Variants in RIMS2 observed in about 807,000 individuals in gnomAD.
The protein encoded by RIMS2 is regulating synaptic membrane exocytosis 2.
A neutral mutation model predicts 174.4 loss-of-function variants in RIMS2; 59 were observed. The observed-to-expected ratio is 0.34, with a 90% CI of 0.27 to 0.42. The LOEUF is 0.42. Among genes scored for constraint, RIMS2 ranks in the 10% least tolerant of loss-of-function variants. The pLI is 1.00. For missense variants in RIMS2, 1,620 were observed against 1,666.3 expected, an observed-to-expected ratio of 0.97 and a Z score of 0.48; for synonymous variants, 606 against 572.5, an observed-to-expected ratio of 1.06 and a Z score of -0.84.
At chr8:104,146,089 G>T (rs2133855942) in intron 19 of RIMS2, among the ~76,000 whole-genome samples, 1 of 151,058 alleles carries the variant, frequency 6.6e-6, no homozygotes, top group East Asian at 2.0e-4. Context: ...TTTGGGCCAG[G>T]CTCGGTGGCT....
chr8:103,565,238 G>T (rs187452866), intron 1 of RIMS2, among the ~76,000 whole-genome samples: 1 of 152,264 alleles, frequency 6.6e-6, no homozygotes, highest in East Asian at 1.9e-4. Context: ...AGCTCCAGTG[G>T]CCTTTGTTAG....
At chr8:103,866,545 T>C (rs1229418357) in intron 3 of RIMS2, among the ~76,000 whole-genome samples, 1 of 152,152 alleles carries the variant, frequency 6.6e-6, no homozygotes, top group Non-Finnish European at 1.5e-5. Flanking sequence ...ACAAACGATA[T>C]TTGAACAGTC....
chr8:103,755,208 G>A (rs780665345), intron 2 of RIMS2, among the ~76,000 whole-genome samples: 2 of 152,152 alleles, frequency 1.3e-5, no homozygotes, highest in Non-Finnish European at 2.9e-5. Flanking sequence ...GACTGGATAT[G>A]AAATTCTGGG....
At chr8:103,663,302 A>G (rs1169212427) in intron 1 of RIMS2, among the ~76,000 whole-genome samples, 1 of 152,214 alleles carries the variant, frequency 6.6e-6, no homozygotes, top group Non-Finnish European at 1.5e-5. Flanking sequence ...GTGTGTTACA[A>G]TAGAAATAAA....
intron 19 of RIMS2, among the ~76,000 whole-genome samples, chr8:104,224,812 G>T (rs1373561654): frequency 6.6e-6 from 1 of 152,178 alleles, no homozygotes; most frequent in Non-Finnish European, 1.5e-5. Context: ...AAAAGTAGAA[G>T]ATGGAGGATT....
intron 1 of RIMS2, 139 bp downstream of exon 3, chr8:103,652,849 C>A: frequency 2.8e-6 from 1 of 360,636 alleles, no homozygotes; most frequent in South Asian, 2.6e-5. Context: ...TACTGTTACC[C>A]TTAATGAAAA....
chr8:103,827,984 A>G (rs1480982001), intron 3 of RIMS2, among the ~76,000 whole-genome samples: 4 of 152,114 alleles, frequency 2.6e-5, no homozygotes, highest in African/African-American at 4.8e-5. Context: ...TGATTCCATA[A>G]TAATGCTAAT....
rs539666254 is a variant in RIMS2, at chr8:103,517,374, C to T, written c.176+16312C>T. Among the ~76,000 whole-genome samples, 15 of 152,152 alleles carry T rather than the reference C, an allele frequency of 9.9e-5. No homozygotes were observed. In the South Asian group the frequency reaches 3.1e-3, roughly 32 times the overall value. ...GTGTCTTTGGGGAATAGCCAGTATT[C>T]CTATATTGCTAGGTGCATGGAAGAT... On this transcript the variant is annotated intron_variant, in intron 1 of 23. Transcript: ENST00000504942.
chr8:103,513,348 C>G (rs1243495880), intron 1 of RIMS2, among the ~76,000 whole-genome samples: 1 of 152,104 alleles, frequency 6.6e-6, no homozygotes, highest in African/African-American at 2.4e-5. Flanking sequence ...TAGTTAACTT[C>G]CTGCATTCTA....
chr8:103,600,398 T>C (rs1000279283), intron 1 of RIMS2, among the ~76,000 whole-genome samples: 1 of 152,228 alleles, frequency 6.6e-6, no homozygotes, highest in Non-Finnish European at 1.5e-5. Context: ...GCATCCTGAG[T>C]AGCTGGGATT....
chr8:104,234,106 A>G (rs77647435), intron 19 of RIMS2, among the ~76,000 whole-genome samples: 1,780 of 152,158 alleles, frequency 0.012, 35 homozygotes, highest in African/African-American at 0.041. Context: ...CTTTTTCAAC[A>G]CTATTTATTA....
At chr8:103,615,518 T>A (rs1273033721) in intron 1 of RIMS2, among the ~76,000 whole-genome samples, 1 of 151,266 alleles carries the variant, frequency 6.6e-6, no homozygotes, top group Non-Finnish European at 1.5e-5. Flanking sequence ...AGATGAGAAA[T>A]AACAAAAATT....
chr8:103,644,347 C>T (rs114085050), intron 1 of RIMS2, among the ~76,000 whole-genome samples: 16 of 151,958 alleles, frequency 1.1e-4, no homozygotes, highest in Non-Finnish European at 1.8e-4. Flanking sequence ...TTCTTGATGA[C>T]GCTAACAAGA....
intron 22 of RIMS2, among the ~76,000 whole-genome samples, chr8:104,250,311 C>T: frequency 6.6e-6 from 1 of 152,146 alleles, no homozygotes; most frequent in East Asian, 1.9e-4. Context: ...TTCAGCATCT[C>T]TACTGATTGA....
At chr8:103,966,793 TC>T (rs1036583944) in intron 15 of RIMS2, among the ~76,000 whole-genome samples, 6 of 152,146 alleles carry the variant, frequency 3.9e-5, no homozygotes, top group African/African-American at 1.4e-4. Context: ...TTTCACTGCA[TC>T]CCACAAATTT....
chr8:103,704,483 G>C (rs1350722447), intron 2 of RIMS2, among the ~76,000 whole-genome samples: 3 of 152,008 alleles, frequency 2.0e-5, no homozygotes, highest in Admixed American at 6.6e-5. Flanking sequence ...TAGCCTCATA[G>C]AATGAGTTTG....
intron 14 of RIMS2, among the ~76,000 whole-genome samples, chr8:103,950,955 C>A (rs1469086761): frequency 6.6e-6 from 1 of 152,158 alleles, no homozygotes; most frequent in Non-Finnish European, 1.5e-5. Flanking sequence ...TCAATTATTT[C>A]TATGTACCAG....
intron 1 of RIMS2, among the ~76,000 whole-genome samples, chr8:103,547,052 A>G (rs1845457859): frequency 6.6e-6 from 1 of 152,202 alleles, no homozygotes. Context: ...GTTCACAGAC[A>G]CAGAAAAACA....
At chr8:103,804,761 T>A (rs759461054) in intron 3 of RIMS2, among the ~76,000 whole-genome samples, 5 of 152,206 alleles carry the variant, frequency 3.3e-5, no homozygotes, top group Non-Finnish European at 5.9e-5. Context: ...AGAGGAGTTT[T>A]TAAACTGTAG....
Sources: allele counts gnomAD v4.1 joint callset (sites outside exome capture counted in the v4.1 genomes callset), GRCh38; gene constraint gnomAD v4.1.1; transcripts MANE v1.5; gene names NCBI Gene and HGNC (gene_info 2026-07-23, HGNC 2026-07-21).